Variants in TMEM163 observed in about 807,000 individuals in gnomAD.
TMEM163 encodes transmembrane protein 163.
Under a neutral mutation model 29.3 loss-of-function variants are expected in TMEM163, and 17 were observed. The ratio of observed to expected loss-of-function variants is 0.58; its 90% CI spans 0.40 to 0.87. The LOEUF is 0.87. Ranked by LOEUF, TMEM163 falls within the 40% of genes least tolerant of loss-of-function variation. TMEM163 has a pLI of 0.00. For missense variants in TMEM163, 303 were observed against 381.5 expected (o/e 0.79, Z 1.71); for synonymous variants, 157 against 160.6 (o/e 0.98, Z 0.17).
At chr2:134,645,423 C>T (rs926829365) in intron 2 of TMEM163, among the ~76,000 whole-genome samples, 1 of 152,168 alleles carries the variant, frequency 6.6e-6, no homozygotes, top group Admixed American at 6.5e-5. Flanking sequence ...GTCAGCAAGG[C>T]CAAAGATACT....
intron 2 of TMEM163, among the ~76,000 whole-genome samples, chr2:134,617,154 C>T (rs552752074): frequency 2.6e-5 from 4 of 152,106 alleles, no homozygotes; most frequent in African/African-American, 9.6e-5. Context: ...ATATATAAGA[C>T]AATTATACAA....
At chr2:134,558,492 G>T (rs1419874831) in intron 2 of TMEM163, among the ~76,000 whole-genome samples, 1 of 152,206 alleles carries the variant, frequency 6.6e-6, no homozygotes. Context: ...ATATCAGCTG[G>T]AAATTCAAAT....
chr2:134,668,523 G>A (rs1171925934), intron 2 of TMEM163, among the ~76,000 whole-genome samples: 6 of 149,288 alleles, frequency 4.0e-5, no homozygotes, highest in African/African-American at 1.5e-4. Flanking sequence ...AGAGAACACA[G>A]AGATTGTAAA....
intron 2 of TMEM163, among the ~76,000 whole-genome samples, chr2:134,581,435 C>T (rs925984531): frequency 6.6e-6 from 1 of 152,200 alleles, no homozygotes; most frequent in African/African-American, 2.4e-5. Flanking sequence ...ATCTAAAATT[C>T]TCCACTTTAC....
chr2:134,688,466 C>A (rs1337220437), intron 2 of TMEM163, among the ~76,000 whole-genome samples: 1 of 152,178 alleles, frequency 6.6e-6, no homozygotes, highest in Non-Finnish European at 1.5e-5. Context: ...AAATTTCCTC[C>A]TTATACAAAT....
chr2:134,477,041 C>T (rs1205148017), intron 5 of TMEM163, among the ~76,000 whole-genome samples: 1 of 152,226 alleles, frequency 6.6e-6, no homozygotes, highest in Admixed American at 6.5e-5. Flanking sequence ...CTGCACACCA[C>T]ACCTACGTTT....
intron 4 of TMEM163, among the ~76,000 whole-genome samples, chr2:134,538,571 CGATGA>C (rs1478399859): frequency 6.6e-6 from 1 of 152,140 alleles, no homozygotes; most frequent in Non-Finnish European, 1.5e-5. Context: ...GCCCATCAAC[CGATGA>C]ATGGATCACT....
At chr2:134,696,057 A>C (rs957627776) in intron 2 of TMEM163, among the ~76,000 whole-genome samples, 3 of 144,936 alleles carry the variant, frequency 2.1e-5, no homozygotes, top group African/African-American at 5.3e-5. Context: ...GTCTCAAAAA[A>C]AAAAAAAAAA....
chr2:134,605,108 C>T (rs1682321767), intron 2 of TMEM163, among the ~76,000 whole-genome samples: 1 of 149,404 alleles, frequency 6.7e-6, no homozygotes, highest in Admixed American at 6.7e-5. Context: ...ACCTGGGAAG[C>T]GGAGGTTACA....
intron 2 of TMEM163, among the ~76,000 whole-genome samples, chr2:134,577,817 G>GA (rs146682931): frequency 0.11 from 16,559 of 151,978 alleles, 994 homozygotes; most frequent in Admixed American, 0.18. Context: ...ATGTGGGGGG[G>GA]AAAAATACAA....
intron 2 of TMEM163, among the ~76,000 whole-genome samples, chr2:134,630,240 C>A (rs983211769): frequency 6.6e-6 from 1 of 151,632 alleles, no homozygotes; most frequent in Non-Finnish European, 1.5e-5. Context: ...ACACAAGAAC[C>A]CAACGAGACA....
chr2:134,579,712 C>T (rs1312133126), intron 2 of TMEM163, among the ~76,000 whole-genome samples: 1 of 152,184 alleles, frequency 6.6e-6, no homozygotes, highest in Non-Finnish European at 1.5e-5. Flanking sequence ...TGCTCTACAC[C>T]AGCCATAAAG....
intron 4 of TMEM163, among the ~76,000 whole-genome samples, chr2:134,516,714 T>TGA (rs1553476302): frequency 8.9e-6 from 1 of 112,660 alleles, no homozygotes; most frequent in Non-Finnish European, 2.0e-5. Context: ...CATATATACA[T>TGA]ATATATTCAT....
At chr2:134,642,129 T>C (rs906365454) in intron 2 of TMEM163, among the ~76,000 whole-genome samples, 20 of 145,684 alleles carry the variant, frequency 1.4e-4, no homozygotes, top group African/African-American at 4.3e-4. Flanking sequence ...CAATCCACGA[T>C]TTTTTTTTTT....
intron 5 of TMEM163, among the ~76,000 whole-genome samples, chr2:134,493,362 CTTTTTTT>C (rs1159013721): frequency 0.027 from 1,344 of 49,904 alleles, 42 homozygotes; most frequent in Middle Eastern, 0.22. Context: ...CTTTTGGTGT[CTTTTTTT>C]TTTTTTTTTT....
chr2:134,702,418 G>T (rs1684723422), intron 2 of TMEM163, among the ~76,000 whole-genome samples: 1 of 152,248 alleles, frequency 6.6e-6, no homozygotes, highest in Non-Finnish European at 1.5e-5. Flanking sequence ...GCTAAGGTGG[G>T]AAGACTGCTT....
chr2:134,598,647 C>T (rs1682147824), intron 2 of TMEM163, among the ~76,000 whole-genome samples: 1 of 152,196 alleles, frequency 6.6e-6, no homozygotes, highest in South Asian at 2.1e-4. Flanking sequence ...GGCGTGGTGG[C>T]TCATGCCTGT....
intron 5 of TMEM163, among the ~76,000 whole-genome samples, chr2:134,491,287 C>T (rs1679423709): frequency 2.6e-5 from 4 of 152,192 alleles, no homozygotes; most frequent in African/African-American, 9.7e-5. Flanking sequence ...TCCCTCACCT[C>T]GCTCTCTTCT....
intron 1 of TMEM163, 145 bp downstream of exon 1, chr2:134,718,589 A>T (rs1685090766): frequency 4.0e-6 from 2 of 500,024 alleles, no homozygotes; most frequent in Non-Finnish European, 5.5e-6. Flanking sequence ...GCTCTCGGCT[A>T]GCGGCGTTCT....
Sources: gnomAD v4.1 joint callset for allele counts (sites outside exome capture counted in the v4.1 genomes callset) on GRCh38, gnomAD v4.1.1 for gene constraint, MANE v1.5 for transcripts, NCBI Gene and HGNC (gene_info 2026-07-23, HGNC 2026-07-21) for gene names.